Variants in MTFR1 observed in about 807,000 individuals in gnomAD.
The protein encoded by MTFR1 is chondrocyte protein with a poly-proline region.
MTFR1 carries 28 observed loss-of-function variants against 38.8 expected under a neutral mutation model. That is an observed-to-expected ratio of 0.72 (90% CI 0.53 to 0.99). MTFR1 has a LOEUF of 0.99. Among genes scored for constraint, MTFR1 ranks in the 50% least tolerant of loss-of-function variants. The pLI is 0.00. For synonymous variants in MTFR1, 145 were observed against 137.0 expected, an observed-to-expected ratio of 1.06 and a Z score of -0.41; for missense variants, 358 against 395.5, an observed-to-expected ratio of 0.91 and a Z score of 0.81.
intron 3 of MTFR1, among the ~76,000 whole-genome samples, chr8:65,749,067 T>G (rs1250682004): frequency 6.6e-6 from 1 of 152,236 alleles, no homozygotes; most frequent in Non-Finnish European, 1.5e-5. Flanking sequence ...TCACCTTCCC[T>G]GGGAAGCACA....
chr8:65,675,537 T>G (rs1280988681), intron 2 of MTFR1, among the ~76,000 whole-genome samples: 1 of 151,842 alleles, frequency 6.6e-6, no homozygotes, highest in Non-Finnish European at 1.5e-5. Flanking sequence ...AGGCAGAGCT[T>G]GCAGTGAGCC....
At position 65,707,121 on chromosome 8, in the gene MTFR1, T is replaced by G. The variant is rs375387019; in HGVS notation, c.629T>G (p.Leu210Arg). Residue 210 changes from leucine (L) to arginine (R), a missense_variant, in exon 6 of 8, where the codon CTG becomes CGG. Coordinates refer to ENST00000262146, the MANE Select transcript of MTFR1 (RefSeq NM_014637.4). ...GLHQSTSAVD[L>R]IKERREKRAN... ...CACCAAAGTACATCTGCTGTTGATC[T>G]GATTAAAGAACGAAGAGAGAAAAGA... 8.2e-6 allele frequency: 13 copies of G among 1,594,250 alleles called. No individual in the cohort carries two copies. Among genetic ancestry groups the G allele is most frequent in the Non-Finnish European group, 1.1e-5 (13 of 1,167,236 alleles).
chr8:65,699,380 C>G (rs1156664747), intron 4 of MTFR1, among the ~76,000 whole-genome samples: 1 of 152,162 alleles, frequency 6.6e-6, no homozygotes, highest in Non-Finnish European at 1.5e-5. Context: ...CTGGGTCAAA[C>G]AATAGTTCTC....
At chr8:65,680,640 G>A (rs999179660) in intron 2 of MTFR1, among the ~76,000 whole-genome samples, 3 of 152,156 alleles carry the variant, frequency 2.0e-5, no homozygotes, top group African/African-American at 7.2e-5. Context: ...GTTTGGTTAT[G>A]CTGTTTGTTT....
In MTFR1 at chr8:65,684,964, A is replaced by G. The variant is rs373738237; in HGVS notation, c.165+2513A>G. 7.0e-4 allele frequency among the ~76,000 whole-genome samples: 107 copies of G among 152,248 alleles called. 1 individual carries two copies. The East Asian group carries it at 0.017, about 24-fold the overall frequency. ...GGTTGCTGTGAGCCGAGATCGTGCC[A>G]ATGCACTCCAGCCTGGGCAATAAGA... On this transcript the variant is annotated intron_variant, in intron 3 of 7. Transcript: ENST00000262146.
chr8:65,654,220 T>A (rs998881306), intron 1 of MTFR1, among the ~76,000 whole-genome samples: 3 of 152,320 alleles, frequency 2.0e-5, no homozygotes, highest in Non-Finnish European at 2.9e-5. Flanking sequence ...TAAGTTTTGG[T>A]AAGTTTTCAG....
downstream of MTFR1, among the ~76,000 whole-genome samples, chr8:65,710,868 C>CACA (rs895769714): frequency 1.3e-5 from 2 of 152,268 alleles, no homozygotes; most frequent in Middle Eastern, 3.4e-3. Context: ...TTTCACCCAA[C>CACA]ACAACACCTG....
chr8:65,706,520 G>T (rs1014100895), intron 5 of MTFR1, among the ~76,000 whole-genome samples: 12 of 152,158 alleles, frequency 7.9e-5, no homozygotes, highest in African/African-American at 2.9e-4. Flanking sequence ...CTCCTAAAGT[G>T]CTGGGATTAC....
At chr8:65,646,719 C>T (rs868566411) in intron 1 of MTFR1, among the ~76,000 whole-genome samples, 3 of 152,174 alleles carry the variant, frequency 2.0e-5, no homozygotes, top group Non-Finnish European at 2.9e-5. Flanking sequence ...ACATTTTATT[C>T]TTTAATATGT....
chr8:65,708,128 C>T (rs905620635), intron 7 of MTFR1, 117 bp downstream of exon 7: 4 of 1,595,902 alleles, frequency 2.5e-6, no homozygotes, highest in Non-Finnish European at 3.4e-6. Context: ...GGAGGTGATA[C>T]AGGATTTGGT....
chr8:65,732,624 T>C (rs77252177), intron 3 of MTFR1, among the ~76,000 whole-genome samples: 9,913 of 152,110 alleles, frequency 0.065, 350 homozygotes, highest in Non-Finnish European at 0.079. Flanking sequence ...AGTGATCCTT[T>C]TGAGTCAGCC....
At chr8:65,664,814 C>G (rs575249232) in intron 1 of MTFR1, among the ~76,000 whole-genome samples, 7 of 151,926 alleles carry the variant, frequency 4.6e-5, no homozygotes, top group Admixed American at 3.3e-4. Context: ...TCTTGAACTC[C>G]TAACCTTAGG....
At chr8:65,746,060 A>G (rs1807660228) in intron 3 of MTFR1, among the ~76,000 whole-genome samples, 1 of 151,902 alleles carries the variant, frequency 6.6e-6, no homozygotes, top group East Asian at 1.9e-4. Flanking sequence ...CCTCCCGAGA[A>G]GCTGGGACTA....
At chr8:65,735,647 G>A (rs1230714611) in intron 3 of MTFR1, among the ~76,000 whole-genome samples, 1 of 151,418 alleles carries the variant, frequency 6.6e-6, no homozygotes, top group Admixed American at 6.6e-5. Context: ...TTTTTGAGAT[G>A]GAGTCTCGCT....
chr8:65,653,430 T>G (rs1809173513), intron 1 of MTFR1, among the ~76,000 whole-genome samples: 1 of 152,148 alleles, frequency 6.6e-6, no homozygotes, highest in Admixed American at 6.5e-5. Context: ...AAGAATCGCT[T>G]GACCCCGGGA....
chr8:65,726,822 CAACTT>C lies in MTFR1; in HGVS notation c.*48+7347_*48+7351del, dbSNP rs1198545238. On this transcript the variant is annotated intron_variant, in intron 3 of 3. Transcript: ENST00000521247. ...TTAAAACTTTATAAAATTACTTTGC[CAACTT>C]AACTTCTATAACCAGTAACAAATTA... The C allele has an allele frequency of 7.6e-6, 7 of 921,478 alleles. No homozygotes were observed. In the East Asian group the frequency reaches 9.8e-5, roughly 13 times the overall value. The allele number at this position is 921,478 out of a possible 1,614,324, so 57.1% of individuals were successfully genotyped here. A position where few individuals can be genotyped will look rare whatever the true frequency, so the allele number is the denominator to read the frequency against.
downstream of MTFR1, among the ~76,000 whole-genome samples, chr8:65,775,600 C>T (rs1291585089): frequency 6.6e-6 from 1 of 152,180 alleles, no homozygotes; most frequent in African/African-American, 2.4e-5. Flanking sequence ...TATCAGTGAT[C>T]CTACGTCCTC....
downstream of MTFR1, among the ~76,000 whole-genome samples, chr8:65,715,510 T>C (rs1230177975): frequency 1.3e-5 from 2 of 151,528 alleles, no homozygotes; most frequent in African/African-American, 2.4e-5. Flanking sequence ...CCCGAGTAGC[T>C]GGGATTACAG....
downstream of MTFR1, among the ~76,000 whole-genome samples, chr8:65,773,625 A>G (rs905188911): frequency 6.6e-6 from 1 of 152,176 alleles, no homozygotes; most frequent in African/African-American, 2.4e-5. Flanking sequence ...TTATCTCTTA[A>G]AAGGAATATT....
Sources: gnomAD v4.1 joint callset for allele counts (sites outside exome capture counted in the v4.1 genomes callset) on GRCh38, gnomAD v4.1.1 for gene constraint, MANE v1.5 for transcripts, NCBI Gene and HGNC (gene_info 2026-07-23, HGNC 2026-07-21) for gene names.